The following UNC13C variants were observed in gnomAD, a reference collection of about 807,000 sequenced individuals.
UNC13C encodes the protein unc-13 homolog C, also known as protein unc-13 homolog C.
A neutral mutation model predicts 245.4 loss-of-function variants in UNC13C; 174 were observed. The ratio of observed to expected loss-of-function variants is 0.71; its 90% confidence interval spans 0.63 to 0.80. UNC13C has a LOEUF of 0.80. Among genes scored for constraint, UNC13C ranks in the 30% least tolerant of loss-of-function variants. The probability of loss-of-function intolerance (pLI) is 0.00; values close to 1 mark genes in which losing one functional copy is unlikely to be tolerated. For missense variants in UNC13C, 2,829 were observed against 2,602.9 expected (o/e 1.09, Z -1.89); for synonymous variants, 992 against 895.1 (o/e 1.11, Z -1.93).
chr15:54,301,608 G>A (rs2037584746), intron 13 of UNC13C, among the ~76,000 whole-genome samples: 1 of 152,116 alleles, frequency 6.6e-6, no homozygotes, highest in African/African-American at 2.4e-5. Context: ...TCCCTGCAAA[G>A]GACATGAACT....
chr15:54,323,863 A>G (rs943436505), intron 14 of UNC13C, among the ~76,000 whole-genome samples: 6 of 152,072 alleles, frequency 3.9e-5, no homozygotes, highest in Non-Finnish European at 7.4e-5. Flanking sequence ...AAAAGCCAAC[A>G]TCATGGAACA....
chr15:54,564,208 A>G (rs1246950489), intron 29 of UNC13C, among the ~76,000 whole-genome samples: 1 of 152,024 alleles, frequency 6.6e-6, no homozygotes, highest in Non-Finnish European at 1.5e-5. Flanking sequence ...GACATTTCAT[A>G]TTGTAAAATG....
At chr15:54,495,275 G>A (rs1049167307) in intron 20 of UNC13C, among the ~76,000 whole-genome samples, 62 of 152,094 alleles carry the variant, frequency 4.1e-4, no homozygotes, top group African/African-American at 1.5e-3. Context: ...TCTTCCCTAT[G>A]GCAGGCACTT....
At chr15:54,199,912 A>C (rs1402590673) in intron 4 of UNC13C, among the ~76,000 whole-genome samples, 1 of 152,050 alleles carries the variant, frequency 6.6e-6, no homozygotes, top group African/African-American at 2.4e-5. Context: ...GAATAGATGA[A>C]AATTTACTAA....
At chr15:54,338,067 T>C (rs2038636106) in intron 16 of UNC13C, among the ~76,000 whole-genome samples, 2 of 152,166 alleles carry the variant, frequency 1.3e-5, no homozygotes, top group African/African-American at 2.4e-5. Flanking sequence ...ATCTGGCATA[T>C]AGGAAGTGAT....
chr15:54,022,042 G>C (rs1895923439), intron 2 of UNC13C, among the ~76,000 whole-genome samples: 1 of 152,172 alleles, frequency 6.6e-6, no homozygotes, highest in South Asian at 2.1e-4. Flanking sequence ...ATCACCTAAT[G>C]ACTCATTTCT....
intron 2 of UNC13C, among the ~76,000 whole-genome samples, chr15:54,068,161 C>T (rs1179136212): frequency 3.9e-5 from 6 of 152,162 alleles, no homozygotes; most frequent in South Asian, 2.1e-4. Flanking sequence ...TTGAATGTAG[C>T]AGCAACGTAA....
chr15:53,917,323 A>G, the UNC13C span, among the ~76,000 whole-genome samples: 4 of 152,282 alleles, frequency 2.6e-5, no homozygotes, highest in Non-Finnish European at 5.9e-5. Context: ...AGTATCAAAC[A>G]CCTTCTTTCT....
intron 4 of UNC13C, among the ~76,000 whole-genome samples, chr15:54,204,980 T>C (rs949170695): frequency 6.6e-6 from 1 of 152,174 alleles, no homozygotes; most frequent in Middle Eastern, 3.4e-3. Flanking sequence ...TTCTAAAATA[T>C]GTTTTATTCT....
chr15:53,895,511 A>G, the UNC13C span, among the ~76,000 whole-genome samples: 1 of 152,126 alleles, frequency 6.6e-6, no homozygotes, highest in African/African-American at 2.4e-5. Context: ...CATATATTTT[A>G]TAAATATATT....
chr15:54,534,452 A>G (rs1286590314), intron 26 of UNC13C, among the ~76,000 whole-genome samples: 1 of 152,234 alleles, frequency 6.6e-6, no homozygotes, highest in Admixed American at 6.5e-5. Context: ...ACAGCAACTT[A>G]AAAGATTAAA....
chr15:54,369,916 A>C (rs2039450900), intron 17 of UNC13C, among the ~76,000 whole-genome samples: 1 of 152,014 alleles, frequency 6.6e-6, no homozygotes, highest in Admixed American at 6.6e-5. Context: ...ATCTCTGGTT[A>C]GTTAGGGATC....
chr15:54,041,413 A>C (rs1267316662), intron 2 of UNC13C, among the ~76,000 whole-genome samples: 2 of 152,192 alleles, frequency 1.3e-5, no homozygotes, highest in East Asian at 3.8e-4. Flanking sequence ...CTTTAGAATA[A>C]ATGCGTAGAA....
In UNC13C at chr15:54,511,833, G is replaced by T; in HGVS notation, c.5457+3G>T. On this transcript the variant is annotated splice_donor_region_variant and intron_variant, in intron 24 of 32. Coordinates refer to ENST00000260323, the MANE Select transcript of UNC13C (RefSeq NM_001080534.3). The stretch of plus-strand genomic sequence containing the variant: ...TTGAATCCATGGGAGGGAAGGAGGT[G>T]GGTATCTTTTTCTCCTACATTTGCT... The T allele has an allele frequency of 6.3e-7, 1 of 1,588,810 alleles. No individual in the cohort carries two copies. The highest frequency in any genetic ancestry group is 1.1e-5 in the South Asian group (1 of 87,738).
At chr15:54,111,855 G>A (rs1900792146) in intron 2 of UNC13C, among the ~76,000 whole-genome samples, 1 of 152,116 alleles carries the variant, frequency 6.6e-6, no homozygotes, top group African/African-American at 2.4e-5. Flanking sequence ...AAAAGGTGGG[G>A]GAAGAATCAT....
chr15:54,466,570 A>G (rs1301375231), intron 19 of UNC13C, among the ~76,000 whole-genome samples: 1 of 151,912 alleles, frequency 6.6e-6, no homozygotes, highest in Non-Finnish European at 1.5e-5. Flanking sequence ...GTGGAAGTAA[A>G]TTGATCTTGA....
rs527836053 is a variant in UNC13C at position 54,146,244 on chromosome 15, C to G, written c.3071+2560C>G. Among the ~76,000 whole-genome samples, 5 of 152,224 alleles carry G rather than the reference C, an allele frequency of 3.3e-5. No individual in the cohort carries two copies. In the East Asian group the frequency reaches 9.6e-4, roughly 29 times the overall value. On this transcript the variant is annotated intron_variant, in intron 4 of 32. Transcript: ENST00000260323. Reference sequence around the variant, plus strand: ...CCTAAAAAACTATGACTGGGGCAGACTTTTGAAATACGGAGTCATTGCTTT... The same window carrying G: ...CCTAAAAAACTATGACTGGGGCAGAGTTTTGAAATACGGAGTCATTGCTTT...
At chr15:53,981,888 A>G (rs932542636) in intron 1 of UNC13C, among the ~76,000 whole-genome samples, 2 of 152,138 alleles carry the variant, frequency 1.3e-5, no homozygotes, top group Non-Finnish European at 2.9e-5. Context: ...GTAGGCATAA[A>G]TGTTTCCCAT....
chr15:54,253,374 A>G lies in UNC13C; in HGVS notation c.3448+2930A>G, dbSNP rs538221530. Among the ~76,000 whole-genome samples the G allele has an allele frequency of 2.8e-4, 42 of 152,256 alleles. 1 individual carries two copies. The highest frequency in any genetic ancestry group is 4.6e-4 in the Admixed American group (7 of 15,296). ...GCTTCATCTAACACCCTCTCTAGCT[A>G]ATTGTACTTGATGGTAGTTCATAGA... On this transcript the variant is annotated intron_variant, in intron 8 of 32. Transcript: ENST00000260323.
Sources: gnomAD v4.1 joint callset for allele counts (sites outside exome capture counted in the v4.1 genomes callset) on GRCh38, gnomAD v4.1.1 for gene constraint, MANE v1.5 for transcripts, NCBI Gene and HGNC (gene_info 2026-07-23, HGNC 2026-07-21) for gene names.